The following SLC24A3 variants were observed in gnomAD, a reference collection of about 807,000 sequenced individuals.
SLC24A3 encodes the protein sodium/potassium/calcium exchanger 3.
In SLC24A3, 28 loss-of-function variants were observed where a neutral mutation model predicts 75.8. The ratio of observed to expected loss-of-function variants is 0.37; its 90% confidence interval spans 0.27 to 0.51. SLC24A3 has a LOEUF of 0.51. Ranked by LOEUF, SLC24A3 falls within the 20% of genes least tolerant of loss-of-function variation. SLC24A3 has a pLI of 0.94. For missense variants in SLC24A3, 663 were observed against 847.8 expected (o/e 0.78, Z 2.71); for synonymous variants, 372 against 334.1 (o/e 1.11, Z -1.24).
At chr20:19,629,215 A>G (rs2031905089) in intron 6 of SLC24A3, among the ~76,000 whole-genome samples, 1 of 152,140 alleles carries the variant, frequency 6.6e-6, no homozygotes, top group Non-Finnish European at 1.5e-5. Context: ...AGAAACTATA[A>G]AAAAGAACTA....
chr20:19,278,531 C>T (rs1407954369), intron 1 of SLC24A3, among the ~76,000 whole-genome samples: 5 of 152,316 alleles, frequency 3.3e-5, no homozygotes, highest in East Asian at 1.9e-4. Flanking sequence ...CTAACCTTAA[C>T]GTTTCTTCAT....
intron 2 of SLC24A3, among the ~76,000 whole-genome samples, chr20:19,380,994 A>G (rs1986170722): frequency 6.6e-6 from 1 of 152,210 alleles, no homozygotes. Context: ...GGTGACCAAC[A>G]GCCTAAGGGT....
intron 1 of SLC24A3, among the ~76,000 whole-genome samples, chr20:19,259,179 G>T (rs1240169920): frequency 6.6e-6 from 1 of 152,168 alleles, no homozygotes; most frequent in Non-Finnish European, 1.5e-5. Context: ...AAGCCCCTCT[G>T]ATGAAAAGAT....
chr20:19,344,547 T>A (rs1466728501), intron 2 of SLC24A3, among the ~76,000 whole-genome samples: 1 of 152,180 alleles, frequency 6.6e-6, no homozygotes, highest in Non-Finnish European at 1.5e-5. Context: ...AAAGATGTGA[T>A]AATAAGTAAG....
chr20:19,270,529 C>T (rs1017895165), intron 1 of SLC24A3, among the ~76,000 whole-genome samples: 18 of 152,116 alleles, frequency 1.2e-4, no homozygotes, highest in Admixed American at 1.1e-3. Flanking sequence ...TTCTGAATTG[C>T]ATACTGATAT....
chr20:19,399,738 TG>T (rs1986517157), intron 2 of SLC24A3, among the ~76,000 whole-genome samples: 2 of 152,132 alleles, frequency 1.3e-5, no homozygotes, highest in Admixed American at 1.3e-4. Flanking sequence ...TTGGATGGAG[TG>T]TTTTGTAACT....
chr20:19,274,570 T>C (rs914313346), intron 1 of SLC24A3, among the ~76,000 whole-genome samples: 2 of 152,114 alleles, frequency 1.3e-5, no homozygotes, highest in Non-Finnish European at 2.9e-5. Flanking sequence ...CAATTGGTGC[T>C]CCTTTCCAAG....
At position 19,238,757 on chromosome 20, in the gene SLC24A3, G is replaced by A. The variant is rs1982241688; in HGVS notation, c.142+25773G>A. ...CCTGGTCTGGTGTTGGGTCTCTGCA[G>A]CATGCAAAGGGGATGGCCAGACAAG... On this transcript the variant is annotated intron_variant, in intron 1 of 16. Transcript: ENST00000328041. 2.0e-5 allele frequency among the ~76,000 whole-genome samples: 3 copies of A among 151,370 alleles called. No individual in the cohort carries two copies. The South Asian group carries it at 6.2e-4, about 31-fold the overall frequency.
In SLC24A3 at chr20:19,496,270, C is replaced by T. The variant is rs977825873; in HGVS notation, c.272-19218C>T. On this transcript the variant is annotated intron_variant, in intron 2 of 16. Transcript: ENST00000328041. ...CCAGCCGGTCTCCATGCAGCAAGGCCCGATAGGCATGCTGGAGTCTCAACA... is the reference window on the plus strand; with the variant it reads ...CCAGCCGGTCTCCATGCAGCAAGGCTCGATAGGCATGCTGGAGTCTCAACA... Among the ~76,000 whole-genome samples the T allele has an allele frequency of 4.6e-5, 7 of 152,278 alleles. 1 individual carries two copies. The highest frequency in any genetic ancestry group is 1.3e-4 in the Admixed American group (2 of 15,302).
chr20:19,642,456 A>G (rs1426426981), intron 6 of SLC24A3, among the ~76,000 whole-genome samples: 1 of 152,198 alleles, frequency 6.6e-6, no homozygotes, highest in African/African-American at 2.4e-5. Context: ...ATCACACAGT[A>G]CCTGAAGGGT....
intron 2 of SLC24A3, among the ~76,000 whole-genome samples, chr20:19,439,558 G>A (rs951517406): frequency 6.6e-6 from 1 of 152,172 alleles, no homozygotes; most frequent in South Asian, 2.1e-4. Flanking sequence ...GCACATGTGA[G>A]TAACTTCTTA....
chr20:19,449,381 G>A (rs1987442979), intron 2 of SLC24A3, among the ~76,000 whole-genome samples: 1 of 152,182 alleles, frequency 6.6e-6, no homozygotes, highest in Admixed American at 6.5e-5. Flanking sequence ...TGAAATAAAG[G>A]GTCTTCCTGC....
At chr20:19,490,589 T>A (rs1306722479) in intron 2 of SLC24A3, among the ~76,000 whole-genome samples, 2 of 152,216 alleles carry the variant, frequency 1.3e-5, no homozygotes, top group Admixed American at 6.5e-5. Context: ...GACTCAGTAA[T>A]TGATACAGTT....
intron 3 of SLC24A3, among the ~76,000 whole-genome samples, chr20:19,575,560 C>T (rs1302548400): frequency 6.6e-6 from 1 of 152,176 alleles, no homozygotes; most frequent in Non-Finnish European, 1.5e-5. Flanking sequence ...GATCATGAGA[C>T]TAAAGCTGAA....
chr20:19,244,556 A>G (rs1982431014), intron 1 of SLC24A3, among the ~76,000 whole-genome samples: 1 of 152,170 alleles, frequency 6.6e-6, no homozygotes, highest in Non-Finnish European at 1.5e-5. Context: ...CTGAGCATGA[A>G]AGGCCTGTTG....
At chr20:19,661,530 C>G (rs547932665) in intron 7 of SLC24A3, among the ~76,000 whole-genome samples, 1 of 152,082 alleles carries the variant, frequency 6.6e-6, no homozygotes, top group Non-Finnish European at 1.5e-5. Context: ...GAAAAGTCTA[C>G]GGGGGGCTGT....
chr20:19,703,170 A>G (rs2122153214), intron 15 of SLC24A3, among the ~76,000 whole-genome samples: 2 of 152,338 alleles, frequency 1.3e-5, no homozygotes, highest in South Asian at 4.1e-4. Context: ...TTGAGAGGGC[A>G]TTTAATAAGG....
chr20:19,379,335 G>A (rs980917496), intron 2 of SLC24A3, among the ~76,000 whole-genome samples: 1 of 152,140 alleles, frequency 6.6e-6, no homozygotes, highest in Non-Finnish European at 1.5e-5. Context: ...GGGTGGTAGA[G>A]GTGGAGAATA....
chr20:19,445,326 G>C (rs952513719), intron 2 of SLC24A3, among the ~76,000 whole-genome samples: 25 of 152,176 alleles, frequency 1.6e-4, no homozygotes, highest in African/African-American at 6.0e-4. Flanking sequence ...CAGGAAGCTG[G>C]AAAGGATAGC....
Sources: gnomAD v4.1 joint callset for allele counts (sites outside exome capture counted in the v4.1 genomes callset) on GRCh38, gnomAD v4.1.1 for gene constraint, MANE v1.5 for transcripts, NCBI Gene and HGNC (gene_info 2026-07-23, HGNC 2026-07-21) for gene names.